KMT2A: variants seen among roughly 807,000 people sequenced by gnomAD.
KMT2A encodes the protein histone-lysine N-methyltransferase 2A.
In KMT2A, 16 loss-of-function variants were observed where a neutral mutation model predicts 345.3. The observed-to-expected ratio is 0.05, with a 90% CI of 0.03 to 0.07. The LOEUF (loss-of-function observed/expected upper bound fraction) is 0.07. Ranked by LOEUF, KMT2A falls within the 10% of genes least tolerant of loss-of-function variation. The pLI is 1.00. For missense variants in KMT2A, 3,272 were observed against 4,841.6 expected (o/e 0.68, Z 9.62); for synonymous variants, 1,599 against 1,778.6 (o/e 0.90, Z 2.54).
In KMT2A at chr11:118,520,407, C is replaced by T. The variant is rs1950933011; in HGVS notation, c.11429+343C>T. ...GTGGCTCATGCCTGTAATTCCAGCA[C>T]TTTGGAAGTCCGAGGCGGACAGATC... On this transcript the variant is annotated intron_variant, in intron 33 of 35. Coordinates refer to ENST00000534358, the MANE Select transcript of KMT2A (RefSeq NM_001197104.2). This position sits in a 1 kb window ranked among gnomAD's most constrained non-coding sequence, Gnocchi z 4.3. 3.0e-6 allele frequency: 1 copy of T among 331,968 alleles called. No individual in the cohort carries two copies. Among genetic ancestry groups the T allele is most frequent in the Admixed American group, 4.5e-5 (1 of 22,222 alleles). 20.6% of individuals were successfully genotyped at this position (331,968 alleles called of 1,614,324 possible).
intron 1 of KMT2A, among the ~76,000 whole-genome samples, chr11:118,444,881 G>C (rs1052658836): frequency 6.6e-6 from 1 of 152,116 alleles, no homozygotes; most frequent in Admixed American, 6.6e-5. Flanking sequence ...AACCAGAAAA[G>C]TTTTTGAACC....
chr11:118,502,649 C>T lies in KMT2A; in HGVS notation c.6757C>T (p.Leu2253=). The change falls in exon 27 of 36, where the codon CTG becomes TTG. Residue 2253 remains leucine, a synonymous_variant. Coordinates refer to ENST00000534358, the MANE Select transcript of KMT2A (RefSeq NM_001197104.2). This position sits in a 1 kb window ranked among gnomAD's most constrained non-coding sequence, Gnocchi z 4.9. The part of the protein sequence containing the change: ...AKVVDHVLGP[L]NSSTSLGQNT... ...AGTAGTTGATCATGTCTTAGGGCCA[C>T]TGAATTCAAGTACTAGTTTAGGGCA... The T allele has an allele frequency of 6.2e-7, 1 of 1,614,166 alleles. No homozygotes were observed. The highest frequency in any genetic ancestry group is 8.5e-7 in the Non-Finnish European group (1 of 1,180,042).
chr11:118,485,462 G>A (rs1591389609), intron 10 of KMT2A, among the ~76,000 whole-genome samples: 1 of 152,010 alleles, frequency 6.6e-6, no homozygotes, highest in African/African-American at 2.4e-5. Context: ...GAGGGTGTCT[G>A]TTTTTTAGCC....
chr11:118,478,066 C>T lies in KMT2A; in HGVS notation c.3434C>T (p.Pro1145Leu), dbSNP rs1555038073. Residue 1145 changes from proline (P) to leucine (L), a missense_variant, in exon 5 of 36, where the codon CCA (proline) becomes CTA (leucine). Around this residue, in one of 27 missense-constraint regions of KMT2A, gnomAD observed 33 missense variants for 46.5 expected, o/e 0.71. Coordinates refer to ENST00000534358, the MANE Select transcript of KMT2A (RefSeq NM_001197104.2). ...AGAAACAAGGCACCCCAGGAACCTC[C>T]AGTAAAGAAAGGACGTCGATCGAGG... is the stretch of plus-strand genomic sequence containing the variant. ...VTRNKAPQEP[P>L]VKKGRRSRRC... 2 of 1,614,020 alleles carry T rather than the reference C, an allele frequency of 1.2e-6. No individual in the cohort carries two copies. Among genetic ancestry groups the T allele is most frequent in the South Asian group, 2.2e-5 (2 of 91,072 alleles).
chr11:118,472,791 A>G lies in KMT2A; in HGVS notation c.1632A>G (p.Lys544=). 6.2e-7 allele frequency: 1 copy of G among 1,613,744 alleles called. No homozygotes were observed. Among genetic ancestry groups the G allele is most frequent in the African/African-American group, 1.3e-5 (1 of 74,872 alleles). The change falls in exon 3 of 36, where the codon AAA becomes AAG. Residue 544 remains lysine (K), a synonymous_variant. Coordinates refer to ENST00000534358, the MANE Select transcript of KMT2A (RefSeq NM_001197104.2). The part of the protein sequence containing the change: ...SERSFGSRTT[K]KLSTLQSAPQ... ...GAAGTTTTGGATCTAGAACGACGAA[A>G]AAATTATCAACTCTACAAAGTGCCC...
Position 118,523,435 on chromosome 11 carries a change from C to T in KMT2A, c.*1263C>T. ...AATGACACTACTGCCCTGATTACTC[C>T]TTAGGATGTGGTCAAAACAGCATCA... On this transcript the variant is annotated 3_prime_UTR_variant, in exon 36 of 36. Transcript: ENST00000534358. 4.4e-6 allele frequency: 1 copy of T among 227,878 alleles called. No homozygotes were observed. Among genetic ancestry groups the T allele is most frequent in the Non-Finnish European group, 8.7e-6 (1 of 114,492 alleles). The allele number at this position is 227,878 out of a possible 1,614,324, so 14.1% of individuals were successfully genotyped here.
rs2134155462 is a variant in KMT2A, at chr11:118,436,938, C to T, written c.426C>T (p.Ser142=). 1 of 1,530,622 alleles carries T rather than the reference C, an allele frequency of 6.5e-7. No homozygotes were observed. Among genetic ancestry groups the T allele is most frequent in the Non-Finnish European group, 8.8e-7 (1 of 1,135,824 alleles). The allele number at this position is 1,530,622 out of a possible 1,614,324, so 94.8% of individuals were successfully genotyped here. A position where few individuals can be genotyped will look rare whatever the true frequency, so the allele number is the denominator to read the frequency against. The stretch of plus-strand genomic sequence containing the variant: ...GGGAGAGCGGCGGGGGAGGCGGCAG[C>T]GGAGAGGTAAGGGGGCGAGGAACCC... ...VFGESGGGGG[S]GEDEQFLGFG... The change falls in exon 1 of 36, where the codon AGC becomes AGT. Residue 142 remains serine, a synonymous_variant. Transcript: ENST00000534358. This position sits in a 1 kb window ranked among gnomAD's most constrained non-coding sequence, Gnocchi z 6.9.
rs2135295827 is a variant in KMT2A at position 118,521,460 on chromosome 11, G to A, written c.11643+43G>A. The A allele has an allele frequency of 3.7e-6, 6 of 1,608,230 alleles. No homozygotes were observed. Among genetic ancestry groups the A allele is most frequent in the South Asian group, 1.1e-5 (1 of 90,764 alleles). ...ACTCACACAGTTCTTTTGTTTTGCT[G>A]TAGAAAGGGACCAGTATGACCCCTG... is the stretch of plus-strand genomic sequence containing the variant. On this transcript the variant is annotated intron_variant, in intron 35 of 35. Transcript: ENST00000534358. The surrounding 1 kb of genome is among the most constrained non-coding windows in gnomAD (Gnocchi z 5.3).
At chr11:118,479,345 G>A (rs1249824722) in intron 5 of KMT2A, among the ~76,000 whole-genome samples, 2 of 152,108 alleles carry the variant, frequency 1.3e-5, no homozygotes, top group Non-Finnish European at 2.9e-5. Flanking sequence ...AAAATAGATC[G>A]AGATAGTAGC....
Position 118,502,488 on chromosome 11 carries a change from G to A in KMT2A, c.6596G>A (p.Ser2199Asn), listed in dbSNP as rs1591280389. The A allele has an allele frequency of 6.2e-7, 1 of 1,614,008 alleles. No individual in the cohort carries two copies. Among genetic ancestry groups the A allele is most frequent in the Non-Finnish European group, 8.5e-7 (1 of 1,179,984 alleles). ...GLRSIGSRRH[S>N]TSSLSPQRSK... is the part of the protein sequence containing the mutation. ...CGAAGCATTGGCTCCAGGCGTCACA[G>A]TACCTCTTCCTTATCACCCCAGCGG... The change falls in exon 27 of 36, where the codon AGT becomes AAT. Residue 2199 changes from serine (S) to asparagine (N), a missense_variant. Ser to Asn is a conservative substitution (Grantham distance 46). Around this residue, in one of 27 missense-constraint regions of KMT2A, gnomAD observed 445 missense variants for 500.9 expected, o/e 0.89. Coordinates refer to ENST00000534358, the MANE Select transcript of KMT2A (RefSeq NM_001197104.2). This position sits in a 1 kb window ranked among gnomAD's most constrained non-coding sequence, Gnocchi z 4.9.
chr11:118,501,721 A>G lies in KMT2A; in HGVS notation c.6369A>G (p.Pro2123=), dbSNP rs1423791241. 4.3e-6 allele frequency: 7 copies of G among 1,614,012 alleles called. No individual in the cohort carries two copies. The East Asian group carries it at 1.1e-4, about 26-fold the overall frequency. Reference sequence around the variant, plus strand: ...ACACAGCTGAAATTATAAGTCCTCCATCACCAGACCGACCTCCTCATTCAC... The same window carrying G: ...ACACAGCTGAAATTATAAGTCCTCCGTCACCAGACCGACCTCCTCATTCAC... ...SQNTAEIISP[P]SPDRPPHSQT... Residue 2123 remains proline, a synonymous_variant, in exon 26 of 36, where the codon CCA becomes CCG. Coordinates refer to ENST00000534358, the MANE Select transcript of KMT2A (RefSeq NM_001197104.2).
intron 1 of KMT2A, among the ~76,000 whole-genome samples, chr11:118,456,575 T>G (rs1336505843): frequency 6.6e-6 from 1 of 152,022 alleles, no homozygotes; most frequent in Non-Finnish European, 1.5e-5. Context: ...CCTGACCTCA[T>G]GATTCGCCCA....
chr11:118,443,498 A>T (rs1322413141), intron 1 of KMT2A, among the ~76,000 whole-genome samples: 2 of 152,214 alleles, frequency 1.3e-5, no homozygotes, highest in African/African-American at 4.8e-5. Context: ...TTGAAAGAAG[A>T]ATTTTGTTAC....
At position 118,502,592 on chromosome 11, in the gene KMT2A, G is replaced by A. The variant is rs782272214; in HGVS notation, c.6700G>A (p.Gly2234Arg). Residue 2234 changes from glycine to arginine, a missense_variant, in exon 27 of 36, where the codon GGG becomes AGG. Physicochemically the swap from Gly to Arg is moderately radical, Grantham distance 125. This residue lies in a region of KMT2A where 445 missense variants were observed against 500.9 expected (regional missense o/e 0.89). Transcript: ENST00000534358. This position sits in a 1 kb window ranked among gnomAD's most constrained non-coding sequence, Gnocchi z 4.9. ...RNNVSSVSTT[G>R]TATDLESSAK... ...TAATGTTTCCTCAGTCTCCACCACC[G>A]GGACCGCTACTGATCTTGAATCAAG... 6.7e-5 allele frequency: 108 copies of A among 1,614,030 alleles called. No individual in the cohort carries two copies. Among genetic ancestry groups the A allele is most frequent in the Admixed American group, 2.5e-4 (15 of 59,988 alleles).
rs781915159 is a variant in KMT2A, at chr11:118,502,497, C to A, written c.6605C>A (p.Ser2202Tyr). ...SIGSRRHSTSSLSPQRSKLRI... is the reference protein window; with the variant it reads ...SIGSRRHSTSYLSPQRSKLRI... Reference sequence around the variant, plus strand: ...GGCTCCAGGCGTCACAGTACCTCTTCCTTATCACCCCAGCGGTCCAAACTC... The same window carrying A: ...GGCTCCAGGCGTCACAGTACCTCTTACTTATCACCCCAGCGGTCCAAACTC... Residue 2202 changes from serine (S) to tyrosine (Y), a missense_variant, in exon 27 of 36, where the codon TCC (serine) becomes TAC (tyrosine). Physicochemically the swap from Ser to Tyr is moderately radical, Grantham distance 144. This residue lies in a region of KMT2A where 445 missense variants were observed against 500.9 expected (regional missense o/e 0.89). Coordinates refer to ENST00000534358, the MANE Select transcript of KMT2A (RefSeq NM_001197104.2). This position sits in a 1 kb window ranked among gnomAD's most constrained non-coding sequence, Gnocchi z 4.9. 1 of 1,613,976 alleles carries A rather than the reference C, an allele frequency of 6.2e-7. No homozygotes were observed. The highest frequency in any genetic ancestry group is 1.3e-5 in the African/African-American group (1 of 74,902).
In KMT2A at chr11:118,525,006, C is replaced by T. The variant is rs924168403; in HGVS notation, c.*2834C>T. The T allele has an allele frequency of 2.8e-5, 6 of 213,078 alleles. No individual in the cohort carries two copies. Among genetic ancestry groups the T allele is most frequent in the Non-Finnish European group, 5.7e-5 (6 of 105,046 alleles). The allele number at this position is 213,078 out of a possible 1,614,324, so 13.2% of individuals were successfully genotyped here. A position where few individuals can be genotyped will look rare whatever the true frequency, so the allele number is the denominator to read the frequency against. On this transcript the variant is annotated 3_prime_UTR_variant, in exon 36 of 36. Coordinates refer to ENST00000534358, the MANE Select transcript of KMT2A (RefSeq NM_001197104.2). ...TCAACCACAAAAATGAGAAATTCCT[C>T]TTCTAGCTCAGCCTTGAGTCCATTG...
At position 118,506,276 on chromosome 11, in the gene KMT2A, C is replaced by T. The variant is rs1350317713; in HGVS notation, c.10384C>T (p.Leu3462Phe). The T allele has an allele frequency of 1.5e-5, 24 of 1,614,096 alleles. No homozygotes were observed. The highest frequency in any genetic ancestry group is 1.9e-5 in the Non-Finnish European group (22 of 1,180,038). The change falls in exon 27 of 36, where the codon CTT (leucine) becomes TTT (phenylalanine). Residue 3462 changes from leucine (L) to phenylalanine (F), a missense_variant. By Grantham distance (22) the Leu-to-Phe change is conservative. Transcript: ENST00000534358. ...HYQLQHVNQL[L>F]ASKTGIHSSQ... is the part of the protein sequence containing the mutation. ...TCAGCTTCAGCATGTGAACCAGCTC[C>T]TTGCCAGCAAAACTGGGATTCATTC...
chr11:118,446,273 C>T lies in KMT2A; in HGVS notation c.432+9329C>T, dbSNP rs552787233. 6.6e-5 allele frequency among the ~76,000 whole-genome samples: 10 copies of T among 152,146 alleles called. 1 individual carries two copies. The South Asian group carries it at 1.7e-3, about 25-fold the overall frequency. On this transcript the variant is annotated intron_variant, in intron 1 of 35. Coordinates refer to ENST00000534358, the MANE Select transcript of KMT2A (RefSeq NM_001197104.2). ...CTGAGGCATGAGAATCGCTTGAACC[C>T]GGGAGGCAGAGGTTGCAGTGAGCTG...
At chr11:118,453,648 A>G (rs569099153) in intron 1 of KMT2A, among the ~76,000 whole-genome samples, 109 of 152,312 alleles carry the variant, frequency 7.2e-4, no homozygotes, top group African/African-American at 2.4e-3. Flanking sequence ...CCAGGCTTGT[A>G]TAGCCTGCTG....
Sources: allele counts gnomAD v4.1 joint callset (sites outside exome capture counted in the v4.1 genomes callset), GRCh38; gene constraint gnomAD v4.1.1; regional missense constraint gnomAD v4.1.1; non-coding constraint Gnocchi (gnomAD v3.1); transcripts MANE v1.5; gene names NCBI Gene and HGNC (gene_info 2026-07-23, HGNC 2026-07-21).